Variants in CAPN14 observed in about 807,000 individuals in gnomAD.
The protein encoded by CAPN14 is calpain 14.
Under a neutral mutation model 101.3 loss-of-function variants are expected in CAPN14, and 94 were observed. The observed-to-expected ratio is 0.93, with a 90% CI of 0.79 to 1.10. The LOEUF (loss-of-function observed/expected upper bound fraction) is 1.10. CAPN14 is among the 50% of genes least tolerant of loss of function. CAPN14 has a pLI of 0.00. For missense variants in CAPN14, 837 were observed against 828.4 expected (o/e 1.01, Z -0.13); for synonymous variants, 338 against 317.9 (o/e 1.06, Z -0.67).
chr2:31,194,594 T>C, intron 8 of CAPN14, 111 bp from the exon 9 acceptor site: 2 of 725,884 alleles, frequency 2.8e-6, no homozygotes, highest in South Asian at 3.3e-5. Flanking sequence ...CTCAGACAAC[T>C]AAATTTCCCA....
chr2:31,190,275 C>G (rs897713663), intron 12 of CAPN14, among the ~76,000 whole-genome samples: 11 of 152,126 alleles, frequency 7.2e-5, no homozygotes, highest in Non-Finnish European at 1.5e-4. Context: ...AGGATCCTCT[C>G]TCCAGTTTAT....
intron 1 of CAPN14, among the ~76,000 whole-genome samples, chr2:31,213,235 C>A (rs1266727401): frequency 6.6e-6 from 1 of 152,192 alleles, no homozygotes; most frequent in Admixed American, 6.5e-5. Context: ...GGCTTCCTCA[C>A]CCTCAATATG....
intron 1 of CAPN14, among the ~76,000 whole-genome samples, chr2:31,210,012 T>C (rs1682305475): frequency 6.6e-6 from 1 of 152,122 alleles, no homozygotes; most frequent in Non-Finnish European, 1.5e-5. Flanking sequence ...GAATACAGAG[T>C]CCATAGCCAC....
chr2:31,200,404 TG>T, intron 6 of CAPN14, 46 bp downstream of exon 6: 1 of 1,495,570 alleles, frequency 6.7e-7, no homozygotes, highest in Non-Finnish European at 9.0e-7. Flanking sequence ...ATGGAGGGCA[TG>T]GGTGCAGGAG....
upstream of CAPN14, among the ~76,000 whole-genome samples, chr2:31,220,217 TAAA>T (rs1232700354): frequency 6.6e-6 from 1 of 152,042 alleles, no homozygotes; most frequent in African/African-American, 2.4e-5. Context: ...AGTTGAGGAA[TAAA>T]ATAGAGTACT....
chr2:31,174,535 G>C lies in CAPN14; in HGVS notation c.*146C>G. 1 of 784,954 alleles carries C rather than the reference G, an allele frequency of 1.3e-6. No homozygotes were observed. The highest frequency in any genetic ancestry group is 2.1e-6 in the Non-Finnish European group (1 of 477,890). 48.6% of individuals were successfully genotyped at this position (784,954 alleles called of 1,614,324 possible). A position where few individuals can be genotyped will look rare whatever the true frequency, so the allele number is the denominator to read the frequency against. On this transcript the variant is annotated 3_prime_UTR_variant, in exon 22 of 22. Transcript: ENST00000403897. ...GCCATGCACGGGGAGGGCTGCAGAAGAGAAACCTTCCCAGCTGAGAAGGTG... is the reference window on the plus strand; with the variant it reads ...GCCATGCACGGGGAGGGCTGCAGAACAGAAACCTTCCCAGCTGAGAAGGTG...
intron 1 of CAPN14, among the ~76,000 whole-genome samples, chr2:31,231,504 T>G (rs995472716): frequency 6.6e-6 from 1 of 152,258 alleles, no homozygotes; most frequent in Non-Finnish European, 1.5e-5. Context: ...AGTATCTTTT[T>G]TGAATATTAT....
intron 2 of CAPN14, among the ~76,000 whole-genome samples, chr2:31,204,764 C>T (rs543387487): frequency 3.2e-4 from 48 of 152,248 alleles, no homozygotes; most frequent in Admixed American, 1.0e-3. Flanking sequence ...CTTTGTCATA[C>T]CCTTTAAAAT....
intron 16 of CAPN14, among the ~76,000 whole-genome samples, chr2:31,186,213 C>T (rs1314558750): frequency 6.6e-6 from 1 of 152,082 alleles, no homozygotes; most frequent in Non-Finnish European, 1.5e-5. Context: ...ATGTCTATAC[C>T]CAAAGTAAGC....
At chr2:31,227,879 G>A (rs1048333680) in intron 1 of CAPN14, among the ~76,000 whole-genome samples, 12 of 152,228 alleles carry the variant, frequency 7.9e-5, no homozygotes, top group African/African-American at 7.2e-5. Context: ...AGAGGTTTAC[G>A]TGGGGTAGCT....
At chr2:31,218,535 T>A (rs1461804094), upstream of CAPN14, among the ~76,000 whole-genome samples, 4 of 152,176 alleles carry the variant, frequency 2.6e-5, no homozygotes, top group Non-Finnish European at 5.9e-5. Context: ...TTAGTACTGA[T>A]AAATTAACTA....
intron 5 of CAPN14, among the ~76,000 whole-genome samples, chr2:31,201,108 T>A (rs950423282): frequency 1.4e-5 from 2 of 142,386 alleles, no homozygotes; most frequent in African/African-American, 5.4e-5. Flanking sequence ...TGTGTGTGCA[T>A]GTGCGTGTGT....
chr2:31,219,423 T>C (rs1682794298), upstream of CAPN14, among the ~76,000 whole-genome samples: 1 of 152,240 alleles, frequency 6.6e-6, no homozygotes, highest in Non-Finnish European at 1.5e-5. Flanking sequence ...GTGCATCTGG[T>C]GATGAGCCTT....
chr2:31,204,649 C>T (rs1282621360), intron 2 of CAPN14, among the ~76,000 whole-genome samples: 8 of 152,104 alleles, frequency 5.3e-5, no homozygotes, highest in East Asian at 1.9e-4. Context: ...TCTGAACACA[C>T]GGAGGTCCCT....
intron 11 of CAPN14, 46 bp from the exon 12 acceptor site, chr2:31,191,453 G>C: frequency 1.3e-6 from 2 of 1,488,554 alleles, no homozygotes; most frequent in Admixed American, 2.1e-5. Context: ...AAAGAGGAGA[G>C]AGAGATCTCA....
At chr2:31,208,077 C>T (rs1244422648) in intron 1 of CAPN14, among the ~76,000 whole-genome samples, 1 of 152,098 alleles carries the variant, frequency 6.6e-6, no homozygotes, top group Non-Finnish European at 1.5e-5. Flanking sequence ...TGCCTGTGTA[C>T]TTCCTGGGGG....
At chr2:31,227,690 G>A (rs1296025470) in intron 1 of CAPN14, among the ~76,000 whole-genome samples, 1 of 152,232 alleles carries the variant, frequency 6.6e-6, no homozygotes, top group Non-Finnish European at 1.5e-5. Flanking sequence ...GTCATAAAAA[G>A]AGGTTTTAAC....
intron 19 of CAPN14, 59 bp from the exon 20 acceptor site, chr2:31,177,201 T>G: frequency 8.6e-7 from 1 of 1,162,624 alleles, no homozygotes; most frequent in Admixed American, 2.1e-5. Context: ...GCTCCCCTCC[T>G]GCTCAAGGCC....
chr2:31,218,973 A>G (rs1682772242), upstream of CAPN14, among the ~76,000 whole-genome samples: 1 of 8,442 alleles, frequency 1.2e-4, no homozygotes, highest in Non-Finnish European at 2.0e-4. Flanking sequence ...TATTATTATT[A>G]TCTATCTCCC....
Sources: allele counts gnomAD v4.1 joint callset (sites outside exome capture counted in the v4.1 genomes callset), GRCh38; gene constraint gnomAD v4.1.1; transcripts MANE v1.5; gene names NCBI Gene and HGNC (gene_info 2026-07-23, HGNC 2026-07-21).